Variants in GUCY1B1 observed in about 807,000 individuals in gnomAD.
GUCY1B1 encodes guanylate cyclase 1 soluble subunit beta 1.
In GUCY1B1, 43 loss-of-function variants were observed where a neutral mutation model predicts 71.0. That is an observed-to-expected ratio of 0.61 (90% CI 0.47 to 0.78). GUCY1B1 has a LOEUF of 0.78. Among genes scored for constraint, GUCY1B1 ranks in the 30% least tolerant of loss-of-function variants. GUCY1B1 has a pLI of 0.00. For synonymous variants in GUCY1B1, 266 were observed against 259.7 expected (o/e 1.02, Z -0.23); for missense variants, 535 against 754.1 (o/e 0.71, Z 3.40).
At chr4:155,778,454 G>C (rs1283198081) in intron 4 of GUCY1B1, among the ~76,000 whole-genome samples, 2 of 152,192 alleles carry the variant, frequency 1.3e-5, no homozygotes, top group East Asian at 3.8e-4. Context: ...GATCTTGCTG[G>C]AAAATGATGT....
At position 155,789,985 on chromosome 4, in the gene GUCY1B1, A is replaced by T; in HGVS notation, c.495+74A>T. ...ATTTTAAATGACACTCTCTAAATTT[A>T]CCTGCAGTTATCACTGTTAGTGCTC... On this transcript the variant is annotated intron_variant, in intron 5 of 13. Transcript: ENST00000264424. 6 of 956,018 alleles carry T rather than the reference A, an allele frequency of 6.3e-6. 1 individual carries two copies. In the South Asian group the frequency reaches 9.4e-5, roughly 15 times the overall value. 59.2% of individuals were successfully genotyped at this position (956,018 alleles called of 1,614,324 possible).
intron 10 of GUCY1B1, 29 bp from the exon 11 acceptor site, chr4:155,803,595 C>T (rs370062538): frequency 1.6e-4 from 226 of 1,409,324 alleles, no homozygotes; most frequent in Admixed American, 2.4e-4. Flanking sequence ...TTATGCTAAC[C>T]GTGAACATCT....
intron 2 of GUCY1B1, among the ~76,000 whole-genome samples, chr4:155,774,397 C>G (rs928771846): frequency 6.6e-6 from 1 of 152,166 alleles, no homozygotes; most frequent in African/African-American, 2.4e-5. Context: ...TTCAGACTTT[C>G]TTCAAATGCC....
chr4:155,795,777 AT>A (rs372203764), intron 7 of GUCY1B1, among the ~76,000 whole-genome samples: 2,014 of 146,428 alleles, frequency 0.014, 32 homozygotes, highest in African/African-American at 0.048. Context: ...ACTAAAAAGG[AT>A]TTTTTTTTTT....
intron 2 of GUCY1B1, among the ~76,000 whole-genome samples, chr4:155,762,957 GT>G (rs1013735584): frequency 2.6e-5 from 4 of 151,876 alleles, no homozygotes; most frequent in East Asian, 1.9e-4. Flanking sequence ...CCATTTCAAA[GT>G]TTTTTTTGTT....
At chr4:155,785,623 G>A (rs1251913814) in intron 4 of GUCY1B1, among the ~76,000 whole-genome samples, 1 of 152,014 alleles carries the variant, frequency 6.6e-6, no homozygotes, top group Non-Finnish European at 1.5e-5. Context: ...GCCTGTATAT[G>A]AGGATGACAC....
chr4:155,804,952 G>C, intron 12 of GUCY1B1, 151 bp from the exon 13 acceptor site: 1 of 759,932 alleles, frequency 1.3e-6, no homozygotes, highest in Middle Eastern at 2.8e-4. Flanking sequence ...AGGAAATCCT[G>C]ATATGATCAT....
rs1322115486 is a variant in GUCY1B1 at position 155,802,744 on chromosome 4, T to C, written c.1413+165T>C. Among the ~76,000 whole-genome samples the C allele has an allele frequency of 6.6e-6, 1 of 152,200 alleles. No homozygotes were observed. The highest frequency in any genetic ancestry group is 2.4e-5 in the African/African-American group (1 of 41,428). On this transcript the variant is annotated intron_variant, in intron 10 of 13. Coordinates refer to ENST00000264424, the MANE Select transcript of GUCY1B1 (RefSeq NM_000857.5). The surrounding 1 kb of genome is among the most constrained non-coding windows in gnomAD (Gnocchi z 4.3). ...TACCATGTTCTTAAATAATTGCCTCTTGTTATAAAACTGTCTCTTCCTTGT... is the reference window on the plus strand; with the variant it reads ...TACCATGTTCTTAAATAATTGCCTCCTGTTATAAAACTGTCTCTTCCTTGT...
At chr4:155,798,390 A>G (rs2111154440) in intron 8 of GUCY1B1, among the ~76,000 whole-genome samples, 1 of 152,264 alleles carries the variant, frequency 6.6e-6, no homozygotes, top group South Asian at 2.1e-4. Context: ...TTTTGAACGT[A>G]CAATCATGTT....
chr4:155,781,058 A>G (rs1738385196), intron 4 of GUCY1B1, among the ~76,000 whole-genome samples: 1 of 152,182 alleles, frequency 6.6e-6, no homozygotes. Flanking sequence ...AGTTAGATAC[A>G]TTATTAAGAA....
intron 4 of GUCY1B1, among the ~76,000 whole-genome samples, chr4:155,781,282 A>T (rs1738398015): frequency 1.3e-5 from 2 of 152,156 alleles, no homozygotes; most frequent in African/African-American, 4.8e-5. Context: ...TTTTGCTTAA[A>T]TTTTTTATTC....
At chr4:155,794,164 C>A in intron 6 of GUCY1B1, 78 bp downstream of exon 6, 1 of 752,628 alleles carries the variant, frequency 1.3e-6, no homozygotes, top group Non-Finnish European at 2.3e-6. Context: ...GCCATCCATT[C>A]ATTTAACCCT....
chr4:155,759,095 G>A lies in GUCY1B1; in HGVS notation c.-46G>A, dbSNP rs1021360451. 6 of 1,581,118 alleles carry A rather than the reference G, an allele frequency of 3.8e-6. No individual in the cohort carries two copies. The African/African-American group carries it at 5.4e-5, about 14-fold the overall frequency. On this transcript the variant is annotated 5_prime_UTR_variant, in exon 1 of 14. Transcript: ENST00000264424. ...CGCCTCTGCCTGGGTCCCTTCGGCC[G>A]TACCTCTGCGTGGGGGCTGCCTCCC...
At chr4:155,805,626 A>T (rs549778885) in intron 13 of GUCY1B1, among the ~76,000 whole-genome samples, 66 of 152,164 alleles carry the variant, frequency 4.3e-4, no homozygotes, top group African/African-American at 1.6e-3. Context: ...GGTTCATGGG[A>T]GGTTTCTTAA....
chr4:155,784,018 T>C (rs1474320101), intron 4 of GUCY1B1, among the ~76,000 whole-genome samples: 1 of 152,170 alleles, frequency 6.6e-6, no homozygotes, highest in Non-Finnish European at 1.5e-5. Context: ...ATTGATTAAT[T>C]GTTACATGTA....
At chr4:155,787,974 T>C (rs1870537) in intron 4 of GUCY1B1, among the ~76,000 whole-genome samples, 20,694 of 152,300 alleles carry the variant, frequency 0.14, 1,547 homozygotes, top group South Asian at 0.19. Flanking sequence ...TGAAACTGTT[T>C]TGTTGTTTTT....
chr4:155,772,512 T>C (rs1454632403), intron 2 of GUCY1B1: 5 of 502,310 alleles, frequency 1.0e-5, no homozygotes, highest in Non-Finnish European at 1.8e-5. Flanking sequence ...CTCCCGAGGC[T>C]CAAGCAATAT....
intron 7 of GUCY1B1, 36 bp from the exon 8 acceptor site, chr4:155,796,341 A>G: frequency 6.3e-7 from 1 of 1,595,812 alleles, no homozygotes; most frequent in South Asian, 1.1e-5. Flanking sequence ...GTAGGGAGAA[A>G]GGCATTCATT....
intron 4 of GUCY1B1, among the ~76,000 whole-genome samples, chr4:155,786,312 C>T (rs1166659608): frequency 6.0e-5 from 8 of 132,358 alleles, no homozygotes; most frequent in Non-Finnish European, 6.2e-5. Context: ...CTCACTGTGT[C>T]GCCCAGGCTG....
Sources: gnomAD v4.1 joint callset for allele counts (sites outside exome capture counted in the v4.1 genomes callset) on GRCh38, gnomAD v4.1.1 for gene constraint, Gnocchi (gnomAD v3.1) non-coding constraint, MANE v1.5 for transcripts, NCBI Gene and HGNC (gene_info 2026-07-23, HGNC 2026-07-21) for gene names.